Variants in JMY observed in about 807,000 individuals in gnomAD.
JMY encodes the protein junction-mediating and -regulatory protein.
JMY carries 46 observed loss-of-function variants against 103.3 expected under a neutral mutation model. That is an observed-to-expected ratio of 0.45 (90% CI 0.35 to 0.57). JMY has a LOEUF of 0.57. Ranked by LOEUF, JMY falls within the 20% of genes least tolerant of loss-of-function variation. The pLI is 0.00. For missense variants in JMY, 1,238 were observed against 1,255.2 expected (o/e 0.99, Z 0.21); for synonymous variants, 526 against 489.3 (o/e 1.07, Z -0.99).
chr5:79,300,195 G>A lies in JMY; in HGVS notation c.1570G>A (p.Asp524Asn), dbSNP rs1050321624. The A allele has an allele frequency of 6.2e-7, 1 of 1,613,242 alleles. No homozygotes were observed. Among genetic ancestry groups the A allele is most frequent in the African/African-American group, 1.3e-5 (1 of 74,986 alleles). The change falls in exon 5 of 11, where the codon GAT (aspartate) becomes AAT (asparagine). Residue 524 changes from aspartate to asparagine, a missense_variant. Asp to Asn is a conservative substitution (Grantham distance 23). Coordinates refer to ENST00000396137, the MANE Select transcript of JMY (RefSeq NM_152405.5). ...TGGTACAGAAGCGATAGCACGATTGGATCAGTTAGAAGCTGATTATTATGA... is the reference window on the plus strand; with the variant it reads ...TGGTACAGAAGCGATAGCACGATTGAATCAGTTAGAAGCTGATTATTATGA... The part of the protein sequence containing the change: ...RGGTEAIARL[D>N]QLEADYYDLQ...
At chr5:79,317,785 A>G (rs912219761) in intron 10 of JMY, among the ~76,000 whole-genome samples, 9 of 152,136 alleles carry the variant, frequency 5.9e-5, no homozygotes, top group African/African-American at 1.9e-4. Context: ...TGCAGCCTCA[A>G]CCTTCTGGGA....
intron 1 of JMY, among the ~76,000 whole-genome samples, chr5:79,268,679 G>A (rs1485512236): frequency 2.0e-5 from 3 of 151,964 alleles, no homozygotes; most frequent in East Asian, 1.9e-4. Flanking sequence ...TAATAGAGAC[G>A]GGGTTTCACC....
rs376948050 is a variant in JMY at position 79,284,061 on chromosome 5, A to C, written c.1206+5978A>C. On this transcript the variant is annotated intron_variant, in intron 2 of 10. Coordinates refer to ENST00000396137, the MANE Select transcript of JMY (RefSeq NM_152405.5). ...AGGTACAAATTACTTTCTTTTTTTT[A>C]TTTTTTTATTTTATTTTTATTTTTT... is the stretch of plus-strand genomic sequence containing the variant. The C allele has an allele frequency of 1.5e-5, 14 of 958,544 alleles. No homozygotes were observed. The East Asian group carries it at 2.9e-4, about 20-fold the overall frequency. 59.4% of individuals were successfully genotyped at this position (958,544 alleles called of 1,614,324 possible).
chr5:79,287,814 G>A (rs1746310667), intron 2 of JMY, among the ~76,000 whole-genome samples: 1 of 152,094 alleles, frequency 6.6e-6, no homozygotes, highest in Non-Finnish European at 1.5e-5. Flanking sequence ...TTTCAAAAAA[G>A]GTATAACTTC....
At chr5:79,243,336 T>C (rs1744797294) in intron 1 of JMY, among the ~76,000 whole-genome samples, 1 of 152,136 alleles carries the variant, frequency 6.6e-6, no homozygotes. Context: ...ATTAGAGAAA[T>C]GACAGTACTT....
rs1346468747 is a variant in JMY at position 79,316,196 on chromosome 5, T to A, written c.2856T>A (p.Asp952Glu). ...GAGAATCCTTCACACTTCTACCCGA[T>A]ACAGACCCTCTAACACGGAGCATCC... is the stretch of plus-strand genomic sequence containing the variant. ...VLRESFTLLP[D>E]TDPLTRSIHE... The change falls in exon 10 of 11, where the codon GAT (aspartate) becomes GAA (glutamate). Residue 952 changes from aspartate (D) to glutamate (E), a missense_variant. Transcript: ENST00000396137. 1.2e-6 allele frequency: 2 copies of A among 1,614,092 alleles called. No homozygotes were observed. Among genetic ancestry groups the A allele is most frequent in the Admixed American group, 3.3e-5 (2 of 60,026 alleles).
intron 1 of JMY, among the ~76,000 whole-genome samples, chr5:79,251,935 C>T (rs915635390): frequency 9.2e-5 from 14 of 152,050 alleles, no homozygotes; most frequent in African/African-American, 1.7e-4. Flanking sequence ...CCACCACGCC[C>T]GGCTAATTTT....
At chr5:79,257,233 C>T (rs932799069) in intron 1 of JMY, among the ~76,000 whole-genome samples, 2 of 151,914 alleles carry the variant, frequency 1.3e-5, no homozygotes, top group Admixed American at 6.6e-5. Context: ...CTACCATGCC[C>T]GGCTAAGTTC....
intron 1 of JMY, among the ~76,000 whole-genome samples, chr5:79,247,660 A>G (rs1323500604): frequency 6.6e-6 from 1 of 150,514 alleles, no homozygotes; most frequent in Non-Finnish European, 1.5e-5. Flanking sequence ...TTATTTATTT[A>G]TTTATTTTTT....
intron 1 of JMY, among the ~76,000 whole-genome samples, chr5:79,265,480 C>T (rs1378836433): frequency 6.6e-6 from 1 of 152,124 alleles, no homozygotes; most frequent in Non-Finnish European, 1.5e-5. Context: ...GTAACAAGTT[C>T]CTAGGTGACA....
chr5:79,248,719 G>T (rs1744985237), intron 1 of JMY, among the ~76,000 whole-genome samples: 1 of 152,070 alleles, frequency 6.6e-6, no homozygotes. Context: ...GACAGTTAAG[G>T]ATGTTAATTT....
intron 1 of JMY, among the ~76,000 whole-genome samples, chr5:79,253,753 T>C (rs1242092489): frequency 6.6e-6 from 1 of 152,146 alleles, no homozygotes; most frequent in Non-Finnish European, 1.5e-5. Flanking sequence ...TGGAGTACAG[T>C]GGCATGCAGT....
intron 6 of JMY, among the ~76,000 whole-genome samples, chr5:79,305,025 C>G (rs1746838547): frequency 6.6e-6 from 1 of 152,134 alleles, no homozygotes; most frequent in Admixed American, 6.5e-5. Context: ...CCCCATTGCA[C>G]TGGATAGATT....
chr5:79,285,286 C>A (rs902468674), intron 2 of JMY, among the ~76,000 whole-genome samples: 1 of 152,044 alleles, frequency 6.6e-6, no homozygotes, highest in African/African-American at 2.4e-5. Flanking sequence ...CCCTGCCCCC[C>A]ACCCGCCCAC....
At chr5:79,277,522 C>T (rs539018296) in intron 1 of JMY, among the ~76,000 whole-genome samples, 1 of 151,946 alleles carries the variant, frequency 6.6e-6, no homozygotes, top group South Asian at 2.1e-4. Flanking sequence ...CCTGTAGTCC[C>T]AGCTACTTGG....
At chr5:79,238,270 C>T (rs922885275) in intron 1 of JMY, among the ~76,000 whole-genome samples, 2 of 151,962 alleles carry the variant, frequency 1.3e-5, no homozygotes, top group Non-Finnish European at 2.9e-5. Context: ...TGGACTACCT[C>T]AGGTCTTTAC....
At chr5:79,238,115 T>C (rs1744581382) in intron 1 of JMY, among the ~76,000 whole-genome samples, 1 of 152,210 alleles carries the variant, frequency 6.6e-6, no homozygotes, top group African/African-American at 2.4e-5. Flanking sequence ...TGATCTGTTT[T>C]GATTCTTCTT....
At chr5:79,258,969 A>G (rs972711583) in intron 1 of JMY, among the ~76,000 whole-genome samples, 6 of 152,180 alleles carry the variant, frequency 3.9e-5, no homozygotes, top group East Asian at 1.9e-4. Flanking sequence ...ACAAGAGACA[A>G]GTGGAGAGTG....
intron 1 of JMY, among the ~76,000 whole-genome samples, chr5:79,273,163 A>G (rs1745836309): frequency 6.6e-6 from 1 of 152,186 alleles, no homozygotes. Context: ...ATGAAAATCT[A>G]AGTTTCCATG....
Sources: gnomAD v4.1 joint callset for allele counts (sites outside exome capture counted in the v4.1 genomes callset) on GRCh38, gnomAD v4.1.1 for gene constraint, MANE v1.5 for transcripts, NCBI Gene and HGNC (gene_info 2026-07-23, HGNC 2026-07-21) for gene names.